Variants in PHACTR4 observed in about 807,000 individuals in gnomAD.
PHACTR4 encodes the protein protein phosphatase 1, regulatory subunit 124.
Under a neutral mutation model 72.7 loss-of-function variants are expected in PHACTR4, and 51 were observed. The ratio of observed to expected loss-of-function variants is 0.70; its 90% CI spans 0.56 to 0.89. The LOEUF (loss-of-function observed/expected upper bound fraction) is 0.89, where lower values mean the gene tolerates loss of function less well. PHACTR4 is among the 40% of genes least tolerant of loss of function. The pLI is 0.00. For missense variants in PHACTR4, 731 were observed against 861.8 expected (o/e 0.85, Z 1.90); for synonymous variants, 255 against 302.5 (o/e 0.84, Z 1.63).
chr1:28,476,198 T>C lies in PHACTR4; in HGVS notation c.1513T>C (p.Cys505Arg), dbSNP rs776102987. Residue 505 changes from cysteine to arginine, a missense_variant, in exon 8 of 14, where the codon TGT (cysteine) becomes CGT (arginine). Physicochemically the swap from Cys to Arg is radical, Grantham distance 180. Transcript: ENST00000373839. Reference sequence around the variant, plus strand: ...CTCAGTCATTCCTAAATTACCACAGTGTCTACGGGAGGAAGAAGAGAAGGA... The same window carrying C: ...CTCAGTCATTCCTAAATTACCACAGCGTCTACGGGAGGAAGAAGAGAAGGA... ...PTSVIPKLPQ[C>R]LREEEEKESD... 6.2e-7 allele frequency: 1 copy of C among 1,613,692 alleles called. No individual in the cohort carries two copies. The highest frequency in any genetic ancestry group is 1.3e-5 in the African/African-American group (1 of 74,864).
At chr1:28,455,198 C>CTTTCTTTT (rs1250815977) in intron 2 of PHACTR4, among the ~76,000 whole-genome samples, 26 of 85,964 alleles carry the variant, frequency 3.0e-4, no homozygotes, top group African/African-American at 9.0e-4. Flanking sequence ...TTCTTTCTTT[C>CTTTCTTTT]TTTTTTTTTT....
chr1:28,415,273 AAGAG>A lies in PHACTR4; in HGVS notation c.16+7816_16+7819del, dbSNP rs200306436. Among the ~76,000 whole-genome samples, 19 of 148,924 alleles carry A rather than the reference AAGAG, an allele frequency of 1.3e-4. 1 individual carries two copies. The highest frequency in any genetic ancestry group is 8.4e-4 in the South Asian group (4 of 4,780). On this transcript the variant is annotated intron_variant, in intron 2 of 13. Coordinates refer to ENST00000373839, the MANE Select transcript of PHACTR4 (RefSeq NM_001048183.3). ...GAGACTCTGTCTCAAAAAAAAAAAA[AAGAG>A]AGAGAAAAGAAAGAAAAAAATTCAT...
intron 2 of PHACTR4, among the ~76,000 whole-genome samples, chr1:28,450,673 A>ACC (rs1376949937): frequency 9.2e-5 from 14 of 151,948 alleles, no homozygotes; most frequent in African/African-American, 3.4e-4. Flanking sequence ...AGGTTGTAGT[A>ACC]CAGTGGTATG....
At position 28,474,111 on chromosome 1, in the gene PHACTR4, C is replaced by T. The variant is rs1570067892; in HGVS notation, c.1381C>T (p.Arg461Trp). 1 of 1,613,910 alleles carries T rather than the reference C, an allele frequency of 6.2e-7. No homozygotes were observed. Among genetic ancestry groups the T allele is most frequent in the Non-Finnish European group, 8.5e-7 (1 of 1,179,918 alleles). Residue 461 changes from arginine to tryptophan, a missense_variant, in exon 7 of 14, where the codon CGG becomes TGG. Around this residue, in one of 2 missense-constraint regions of PHACTR4, gnomAD observed 621 missense variants for 676.6 expected, o/e 0.92. Transcript: ENST00000373839. ...SFSEDSSTLGRTRSLPITIEM... is the reference protein window; with the variant it reads ...SFSEDSSTLGWTRSLPITIEM... ...TTCTGAGGACAGCAGTACGCTGGGT[C>T]GGACCAGGTCTCTTCCCATCACTAT...
At chr1:28,378,069 T>C (rs559697814) in intron 1 of PHACTR4, among the ~76,000 whole-genome samples, 1,579 of 149,814 alleles carry the variant, frequency 0.011, 32 homozygotes, top group African/African-American at 0.036. Context: ...TGGTGGTGGG[T>C]GCCTGTAGTC....
chr1:28,445,653 T>C (rs752364822), intron 2 of PHACTR4, among the ~76,000 whole-genome samples: 5 of 152,222 alleles, frequency 3.3e-5, no homozygotes, highest in South Asian at 2.1e-4. Context: ...CTTGGAGTTA[T>C]GGGGTTCTCA....
At chr1:28,377,914 T>G (rs1017786667) in intron 1 of PHACTR4, among the ~76,000 whole-genome samples, 4 of 151,966 alleles carry the variant, frequency 2.6e-5, no homozygotes, top group Admixed American at 2.0e-4. Flanking sequence ...TTAAAAATTT[T>G]TGGCCAGATG....
chr1:28,451,644 T>C (rs1308260009), intron 2 of PHACTR4, among the ~76,000 whole-genome samples: 4 of 151,942 alleles, frequency 2.6e-5, no homozygotes, highest in Non-Finnish European at 4.4e-5. Flanking sequence ...GAAGCACTTA[T>C]GCATTAATTT....
intron 1 of PHACTR4, among the ~76,000 whole-genome samples, chr1:28,404,866 C>T (rs571086418): frequency 6.6e-6 from 1 of 151,950 alleles, no homozygotes; most frequent in Non-Finnish European, 1.5e-5. Flanking sequence ...ATTTAGTCAC[C>T]CCGGTAATAA....
At chr1:28,413,607 T>C (rs919443681) in intron 2 of PHACTR4, among the ~76,000 whole-genome samples, 1 of 152,194 alleles carries the variant, frequency 6.6e-6, no homozygotes, top group Non-Finnish European at 1.5e-5. Context: ...ATTAAATTTT[T>C]CTTTTCTACT....
chr1:28,468,224 C>T (rs1028874505), intron 6 of PHACTR4, among the ~76,000 whole-genome samples: 2 of 152,122 alleles, frequency 1.3e-5, no homozygotes, highest in African/African-American at 4.8e-5. Context: ...TTCAAAACTA[C>T]CTTGTGCTGC....
At chr1:28,370,201 C>T (rs1436565091) in intron 1 of PHACTR4, among the ~76,000 whole-genome samples, 1 of 152,126 alleles carries the variant, frequency 6.6e-6, no homozygotes, top group Non-Finnish European at 1.5e-5. Flanking sequence ...CCTGGGGATC[C>T]GGTTACAGTA....
intron 2 of PHACTR4, among the ~76,000 whole-genome samples, chr1:28,419,183 C>G (rs1655332903): frequency 6.6e-6 from 1 of 150,512 alleles, no homozygotes; most frequent in Admixed American, 6.6e-5. Flanking sequence ...AGGGTTTCAC[C>G]ATGTCGGCCA....
chr1:28,451,152 A>G (rs895156113), intron 2 of PHACTR4, among the ~76,000 whole-genome samples: 1 of 151,578 alleles, frequency 6.6e-6, no homozygotes, highest in African/African-American at 2.4e-5. Flanking sequence ...ATGATGTCTC[A>G]GTATGTTGCC....
chr1:28,405,678 G>T (rs1466107984), intron 1 of PHACTR4, among the ~76,000 whole-genome samples: 1 of 151,798 alleles, frequency 6.6e-6, no homozygotes, highest in Non-Finnish European at 1.5e-5. Flanking sequence ...ATGACCACCA[G>T]TTAGGAGTTC....
intron 1 of PHACTR4, among the ~76,000 whole-genome samples, chr1:28,405,107 C>T (rs370203032): frequency 6.6e-6 from 1 of 152,082 alleles, no homozygotes; most frequent in Admixed American, 6.6e-5. Flanking sequence ...AAGATCTTTT[C>T]ATGTGCCTAT....
At chr1:28,495,613 A>AT (rs1328657600) in intron 13 of PHACTR4, among the ~76,000 whole-genome samples, 364 of 146,530 alleles carry the variant, frequency 2.5e-3, no homozygotes, top group African/African-American at 4.6e-3. Context: ...TTATTTATTT[A>AT]TTTTTTTTTT....
chr1:28,412,482 A>T (rs1654850453), intron 2 of PHACTR4, among the ~76,000 whole-genome samples: 1 of 152,190 alleles, frequency 6.6e-6, no homozygotes, highest in Non-Finnish European at 1.5e-5. Flanking sequence ...ATTAAAACTA[A>T]TATTTTTTAT....
chr1:28,385,718 C>T (rs895713237), intron 1 of PHACTR4, among the ~76,000 whole-genome samples: 3 of 149,128 alleles, frequency 2.0e-5, no homozygotes, highest in Non-Finnish European at 3.0e-5. Flanking sequence ...TGGGTTCAAG[C>T]GATTCTCATG....
Sources: allele counts gnomAD v4.1 joint callset (sites outside exome capture counted in the v4.1 genomes callset), GRCh38; gene constraint gnomAD v4.1.1; regional missense constraint gnomAD v4.1.1; transcripts MANE v1.5; gene names NCBI Gene and HGNC (gene_info 2026-07-23, HGNC 2026-07-21).